Variants in ZBTB40 observed in about 807,000 individuals in gnomAD.
The protein encoded by ZBTB40 is zinc finger and BTB domain-containing protein 40.
ZBTB40 carries 60 observed loss-of-function variants against 117.5 expected under a neutral mutation model. That is an observed-to-expected ratio of 0.51 (90% CI 0.41 to 0.63). ZBTB40 has a LOEUF of 0.63. Among genes scored for constraint, ZBTB40 ranks in the 30% least tolerant of loss-of-function variants. The pLI is 0.00. For missense variants in ZBTB40, 1,287 were observed against 1,498.5 expected, an observed-to-expected ratio of 0.86 and a Z score of 2.33; for synonymous variants, 525 against 577.1, an observed-to-expected ratio of 0.91 and a Z score of 1.29.
chr1:22,487,013 G>A (rs1638490443), intron 1 of ZBTB40, among the ~76,000 whole-genome samples: 1 of 152,200 alleles, frequency 6.6e-6, no homozygotes, highest in African/African-American at 2.4e-5. Flanking sequence ...GGGATTACAA[G>A]CGTGAGCTGC....
At position 22,501,557 on chromosome 1, in the gene ZBTB40, A is replaced by G. The variant is rs954980345; in HGVS notation, c.897A>G (p.Val299=). 8.1e-6 allele frequency: 13 copies of G among 1,614,140 alleles called. No individual in the cohort carries two copies. The highest frequency in any genetic ancestry group is 1.1e-5 in the Non-Finnish European group (13 of 1,180,008). Residue 299 remains valine, a synonymous_variant, in exon 4 of 18, where the codon GTA becomes GTG. Coordinates refer to ENST00000375647, the MANE Select transcript of ZBTB40 (RefSeq NM_014870.4). Reference sequence around the variant, plus strand: ...CATTCCAGAGAATCCTGGGTAAAGTAAGAGAGGAAAGCCTGGATGTTCAAA... The same window carrying G: ...CATTCCAGAGAATCCTGGGTAAAGTGAGAGAGGAAAGCCTGGATGTTCAAA... ...HSAFQRILGK[V]REESLDVQTV... is the part of the protein sequence containing the mutation.
intron 15 of ZBTB40, among the ~76,000 whole-genome samples, chr1:22,521,966 C>T (rs1002123309): frequency 1.3e-5 from 2 of 152,196 alleles, no homozygotes; most frequent in African/African-American, 2.4e-5. Flanking sequence ...CTGATTCCAG[C>T]ACTTATCAGC....
chr1:22,429,212 C>G (rs1413473236), intron 1 of ZBTB40, among the ~76,000 whole-genome samples: 1 of 151,966 alleles, frequency 6.6e-6, no homozygotes, highest in Non-Finnish European at 1.5e-5. Context: ...GAAACCCCGT[C>G]TCCACTAAAA....
chr1:22,503,086 GTTTC>G (rs1638986474), intron 5 of ZBTB40, among the ~76,000 whole-genome samples: 1 of 144,180 alleles, frequency 6.9e-6, no homozygotes, highest in Non-Finnish European at 1.5e-5. Context: ...TATGGATTTC[GTTTC>G]TTTATCATTG....
In ZBTB40 at chr1:22,526,390, CAA is replaced by C; in HGVS notation, c.3716_3717del (p.Lys1239MetfsTer34). On this transcript the variant is annotated frameshift_variant, in exon 18 of 18. Coordinates refer to ENST00000375647, the MANE Select transcript of ZBTB40 (RefSeq NM_014870.4). LOFTEE classifies it high-confidence loss of function. The part of the protein sequence containing the change: ...GTVTLICGEA[K>X] ...CAGTGACGCTGATCTGTGGTGAGGC[CAA>C]ATGAGCAGCCTTTCATCCGGCAGAG... 6.2e-7 allele frequency: 1 copy of C among 1,614,022 alleles called. No homozygotes were observed. The highest frequency in any genetic ancestry group is 1.1e-5 in the South Asian group (1 of 91,048).
chr1:22,495,497 TTTTTGTTTTG>T (rs373024206), intron 3 of ZBTB40, among the ~76,000 whole-genome samples: 40 of 152,126 alleles, frequency 2.6e-4, no homozygotes, highest in South Asian at 1.2e-3. Context: ...TGCTAGGTTT[TTTTTGTTTTG>T]TTTTGTTTTG....
chr1:22,522,433 C>G lies in ZBTB40; in HGVS notation c.3268C>G (p.Leu1090Val). 6.2e-7 allele frequency: 1 copy of G among 1,614,212 alleles called. No homozygotes were observed. The highest frequency in any genetic ancestry group is 8.5e-7 in the Non-Finnish European group (1 of 1,180,042). Residue 1090 changes from leucine (L) to valine (V), a missense_variant, in exon 16 of 18, where the codon CTG becomes GTG. By Grantham distance (32) the Leu-to-Val change is conservative. Transcript: ENST00000375647. Reference protein sequence around the residue: ...CKELFPTPALLQVHVKCQHSG... With the variant: ...CKELFPTPALVQVHVKCQHSG... ...GGAGCTCTTCCCCACGCCAGCCTTG[C>G]TGCAGGTTCATGTCAAGTGCCAGCA...
Position 22,517,382 on chromosome 1 carries a change from G to C in ZBTB40, c.2751G>C (p.Gly917=). 1 of 1,614,192 alleles carries C rather than the reference G, an allele frequency of 6.2e-7. No homozygotes were observed. The highest frequency in any genetic ancestry group is 8.5e-7 in the Non-Finnish European group (1 of 1,180,042). Reference sequence around the variant, plus strand: ...CCCGCCACGTGAGGACCCACACCGGGGACAAGCCCTATGTCTGCAGAGACT... The same window carrying C: ...CCCGCCACGTGAGGACCCACACCGGCGACAAGCCCTATGTCTGCAGAGACT... ...ELSRHVRTHT[G]DKPYVCRDCG... is the part of the protein sequence containing the mutation. Residue 917 remains glycine, a synonymous_variant, in exon 13 of 18, where the codon GGG becomes GGC. Transcript: ENST00000375647.
intron 1 of ZBTB40, among the ~76,000 whole-genome samples, chr1:22,458,017 C>T (rs573176498): frequency 1.3e-5 from 2 of 152,212 alleles, no homozygotes; most frequent in Non-Finnish European, 2.9e-5. Flanking sequence ...CACAGAGTTG[C>T]CAAAGGCAGA....
intron 5 of ZBTB40, among the ~76,000 whole-genome samples, chr1:22,504,138 G>A (rs780668802): frequency 1.1e-4 from 16 of 152,250 alleles, no homozygotes; most frequent in Non-Finnish European, 1.8e-4. Flanking sequence ...AGCAGACTAA[G>A]AAAGTGGGAG....
At chr1:22,518,165 G>T (rs887641209) in intron 13 of ZBTB40, among the ~76,000 whole-genome samples, 5 of 152,200 alleles carry the variant, frequency 3.3e-5, no homozygotes, top group Non-Finnish European at 7.3e-5. Flanking sequence ...CTCTCTTGTT[G>T]CAGCAGGAGT....
chr1:22,459,356 ACT>A (rs1641079858), intron 1 of ZBTB40, among the ~76,000 whole-genome samples: 1 of 152,096 alleles, frequency 6.6e-6, no homozygotes, highest in Admixed American at 6.6e-5. Flanking sequence ...AACATTTAAG[ACT>A]CTGATCCATT....
At chr1:22,496,805 A>G (rs1638788313) in intron 3 of ZBTB40, among the ~76,000 whole-genome samples, 1 of 152,164 alleles carries the variant, frequency 6.6e-6, no homozygotes, top group Non-Finnish European at 1.5e-5. Context: ...TTCAGGTGCA[A>G]TCCAACAGAA....
Position 22,502,344 on chromosome 1 carries a change from A to G in ZBTB40, c.1070A>G (p.His357Arg). 6.2e-7 allele frequency: 1 copy of G among 1,614,024 alleles called. No homozygotes were observed. The highest frequency in any genetic ancestry group is 8.5e-7 in the Non-Finnish European group (1 of 1,179,944). Residue 357 changes from histidine (H) to arginine (R), a missense_variant, in exon 5 of 18, where the codon CAC (histidine) becomes CGC (arginine). By Grantham distance (29) the His-to-Arg change is conservative (BLOSUM62 0). This residue lies in a region of ZBTB40 where 870 missense variants were observed against 934.4 expected (regional missense o/e 0.93). Coordinates refer to ENST00000375647, the MANE Select transcript of ZBTB40 (RefSeq NM_014870.4). Reference protein sequence around the residue: ...GKTLSVLLLEHKEDLIQCVTQ... With the variant: ...GKTLSVLLLERKEDLIQCVTQ... Reference sequence around the variant, plus strand: ...ACCTTGTCTGTTCTGTTACTAGAACACAAAGAGGACCTGATACAGTGTGTA... The same window carrying G: ...ACCTTGTCTGTTCTGTTACTAGAACGCAAAGAGGACCTGATACAGTGTGTA...
intron 1 of ZBTB40, among the ~76,000 whole-genome samples, chr1:22,473,571 G>T (rs1196745483): frequency 6.6e-6 from 1 of 152,208 alleles, no homozygotes; most frequent in Non-Finnish European, 1.5e-5. Context: ...AATATGAAAA[G>T]AGAGTGCAGG....
At position 22,495,571 on chromosome 1, in the gene ZBTB40, G is replaced by T. The variant is rs1438419529; in HGVS notation, c.831+4038G>T. Among the ~76,000 whole-genome samples the T allele has an allele frequency of 2.0e-5, 3 of 152,036 alleles. No homozygotes were observed. In the East Asian group the frequency reaches 5.8e-4, roughly 29 times the overall value. ...CTGTTGCCCAGGCTGGAGTGCAGTG[G>T]TGCAATCTCAGTTCACTGCAACCTC... On this transcript the variant is annotated intron_variant, in intron 3 of 17. Transcript: ENST00000375647.
chr1:22,450,869 C>G (rs1234823475), upstream of ZBTB40, among the ~76,000 whole-genome samples: 1 of 152,096 alleles, frequency 6.6e-6, no homozygotes, highest in Admixed American at 6.5e-5. Context: ...GGAAGCTGGA[C>G]ATTGCACTAA....
rs72649502 is a variant in ZBTB40 at position 22,457,755 on chromosome 1, G to A, written c.-70+5751G>A. ...TTTAGCATAAAAACAAAGGTGAACG[G>A]TAGGTGATTCTATTTCTTATTTTGA... On this transcript the variant is annotated intron_variant, in intron 1 of 17. Transcript: ENST00000375647. 8.7e-3 allele frequency among the ~76,000 whole-genome samples: 1,323 copies of A among 152,344 alleles called. 13 individuals carry two copies. The highest frequency in any genetic ancestry group is 0.013 in the Non-Finnish European group (896 of 68,022).
At chr1:22,486,493 G>A (rs781175524) in intron 1 of ZBTB40, among the ~76,000 whole-genome samples, 2 of 152,138 alleles carry the variant, frequency 1.3e-5, no homozygotes, top group African/African-American at 2.4e-5. Context: ...TCCCTCTCCC[G>A]CTGCTGGAAG....
Sources: gnomAD v4.1 joint callset for allele counts (sites outside exome capture counted in the v4.1 genomes callset) on GRCh38, gnomAD v4.1.1 for gene constraint, gnomAD v4.1.1 regional missense constraint, MANE v1.5 for transcripts, NCBI Gene and HGNC (gene_info 2026-07-23, HGNC 2026-07-21) for gene names.